Variants in KIF5C observed in about 807,000 individuals in gnomAD.
KIF5C encodes the protein kinesin family member 5C.
A neutral mutation model predicts 125.2 loss-of-function variants in KIF5C; 18 were observed. That is an observed-to-expected ratio of 0.14 (90% confidence interval 0.10 to 0.21). KIF5C has a LOEUF of 0.21. KIF5C is among the 10% of genes least tolerant of loss of function. The pLI is 1.00. For synonymous variants in KIF5C, 405 were observed against 434.0 expected (o/e 0.93, Z 0.83); for missense variants, 780 against 1,183.8 (o/e 0.66, Z 5.01).
rs1442126777 is a variant in KIF5C, at chr2:148,876,814, C to T, written c.126+1071C>T. Among the ~76,000 whole-genome samples the T allele has an allele frequency of 1.3e-5, 2 of 152,156 alleles. No individual in the cohort carries two copies. Among genetic ancestry groups the T allele is most frequent in the Non-Finnish European group, 2.9e-5 (2 of 68,028 alleles). ...TGTATGCGAGCCGCGTGGGGAGGGA[C>T]CGAGTTAATGGGAGCCTCCCGGTCC... On this transcript the variant is annotated intron_variant, in intron 1 of 25. Transcript: ENST00000435030. The surrounding 1 kb of genome is among the most constrained non-coding windows in gnomAD (Gnocchi z 4.7).
chr2:148,903,265 T>C (rs987664521), intron 1 of KIF5C, among the ~76,000 whole-genome samples: 1 of 152,184 alleles, frequency 6.6e-6, no homozygotes, highest in African/African-American at 2.4e-5. Flanking sequence ...CATGATTATC[T>C]GTCATGTTAA....
At chr2:148,889,738 C>G (rs1427544673) in intron 1 of KIF5C, among the ~76,000 whole-genome samples, 2 of 152,170 alleles carry the variant, frequency 1.3e-5, no homozygotes, top group East Asian at 3.8e-4. Flanking sequence ...TTACTTCATG[C>G]TTTGATGGTT....
intron 24 of KIF5C, 62 bp from the exon 25 acceptor site, chr2:149,011,508 A>G: frequency 6.3e-7 from 1 of 1,595,278 alleles, no homozygotes; most frequent in Non-Finnish European, 8.6e-7. Flanking sequence ...TGTAGATATC[A>G]GGGTTGCTGT....
chr2:148,983,633 C>A lies in KIF5C; in HGVS notation c.1583C>A (p.Thr528Asn). The A allele has an allele frequency of 6.3e-7, 1 of 1,585,390 alleles. No individual in the cohort carries two copies. The highest frequency in any genetic ancestry group is 8.6e-7 in the Non-Finnish European group (1 of 1,164,512). Residue 528 changes from threonine (T) to asparagine (N), a missense_variant, in exon 15 of 26, where the codon ACC becomes AAC. Around this residue, in one of 2 missense-constraint regions of KIF5C, gnomAD observed 573 missense variants for 742.6 expected, o/e 0.77. Coordinates refer to ENST00000435030, the MANE Select transcript of KIF5C (RefSeq NM_004522.3). ...TTTGTTTTTCAGACTACATTGACAACCACACAGAGAGAGCTGAGCCAGCTA... is the reference window on the plus strand; with the variant it reads ...TTTGTTTTTCAGACTACATTGACAAACACACAGAGAGAGCTGAGCCAGCTA... ...ELAQKTTTLT[T>N]TQRELSQLQE...
intron 25 of KIF5C, among the ~76,000 whole-genome samples, chr2:149,018,565 A>G (rs1029016490): frequency 9.9e-5 from 15 of 152,206 alleles, no homozygotes; most frequent in Non-Finnish European, 1.8e-4. Flanking sequence ...ATGGTGGCTC[A>G]CGCCTATAAT....
intron 1 of KIF5C, among the ~76,000 whole-genome samples, chr2:148,918,013 G>A (rs1681629465): frequency 6.6e-6 from 1 of 152,116 alleles, no homozygotes; most frequent in African/African-American, 2.4e-5. Flanking sequence ...TTCCAGGCTG[G>A]GAAACAGTTA....
chr2:148,883,920 A>G (rs1416126315), intron 1 of KIF5C: 1 of 152,144 alleles, frequency 6.6e-6, no homozygotes, highest in Non-Finnish European at 1.5e-5. Flanking sequence ...AGGATATACG[A>G]GATGATTTTA....
intron 2 of KIF5C, among the ~76,000 whole-genome samples, chr2:148,928,712 A>G (rs1682095946): frequency 1.3e-5 from 2 of 152,124 alleles, no homozygotes; most frequent in African/African-American, 4.8e-5. Flanking sequence ...GGGCCCGGCT[A>G]GTTTCTGGGC....
rs1283282226 is a variant in KIF5C at position 148,991,080 on chromosome 2, C to T, written c.1787C>T (p.Ser596Leu). 6.2e-7 allele frequency: 1 copy of T among 1,613,786 alleles called. No homozygotes were observed. Among genetic ancestry groups the T allele is most frequent in the Non-Finnish European group, 8.5e-7 (1 of 1,179,816 alleles). Residue 596 changes from serine to leucine, a missense_variant, in exon 16 of 26, where the codon TCA becomes TTA. Coordinates refer to ENST00000435030, the MANE Select transcript of KIF5C (RefSeq NM_004522.3). ...CGCCTGTACATCAGCAAGATGAAGT[C>T]AGAGGTCAAGTCCCTGGTGAACCGC... ...MARLYISKMK[S>L]EVKSLVNRSK...
intron 7 of KIF5C, among the ~76,000 whole-genome samples, chr2:148,944,311 A>C (rs1022350074): frequency 2.0e-5 from 3 of 152,176 alleles, no homozygotes; most frequent in Non-Finnish European, 2.9e-5. Context: ...GTACCCAATA[A>C]ACACCAATTC....
Position 149,005,524 on chromosome 2 carries a change from A to AT in KIF5C, c.2445+64dup, listed in dbSNP as rs1431608652. 1.8e-5 allele frequency: 28 copies of AT among 1,590,500 alleles called. No individual in the cohort carries two copies. In the Admixed American group the frequency reaches 1.9e-4, roughly 11 times the overall value. On this transcript the variant is annotated intron_variant, in intron 22 of 25. Transcript: ENST00000435030. ...AAATCAAAGATGGCAGGGAAGAATCATTTTCAGTTGAAATATCACTTGCTT... is the reference window on the plus strand; with the variant it reads ...AAATCAAAGATGGCAGGGAAGAATCATTTTTCAGTTGAAATATCACTTGCTT...
At chr2:149,022,739 C>G (rs1446173316) in intron 25 of KIF5C, among the ~76,000 whole-genome samples, 1 of 152,116 alleles carries the variant, frequency 6.6e-6, no homozygotes, top group East Asian at 1.9e-4. Flanking sequence ...GCCTGGACAA[C>G]ATGGTGAAAC....
intron 21 of KIF5C, among the ~76,000 whole-genome samples, chr2:149,002,756 C>CA (rs1349800384): frequency 3.3e-5 from 5 of 152,238 alleles, no homozygotes; most frequent in Admixed American, 1.3e-4. Flanking sequence ...CATTCACTGT[C>CA]ACAACCACCT....
intron 1 of KIF5C, among the ~76,000 whole-genome samples, chr2:148,905,076 T>C (rs1393381508): frequency 1.3e-5 from 2 of 152,232 alleles, no homozygotes; most frequent in African/African-American, 4.8e-5. Context: ...TTGCTTTGTT[T>C]TCATTGTATC....
At position 149,000,712 on chromosome 2, in the gene KIF5C, T is replaced by G; in HGVS notation, c.2313-10T>G. ...CCTGTGGTGGTCTATGGTTCCTTTT[T>G]GTTTTTCAGATTGCTCAACGATAAA... On this transcript the variant is annotated splice_polypyrimidine_tract_variant and intron_variant, in intron 20 of 25. Transcript: ENST00000435030. 2 of 1,613,734 alleles carry G rather than the reference T, an allele frequency of 1.2e-6. No individual in the cohort carries two copies. The highest frequency in any genetic ancestry group is 1.7e-6 in the Non-Finnish European group (2 of 1,179,826).
chr2:149,017,728 AC>A (rs1447680960), intron 25 of KIF5C, among the ~76,000 whole-genome samples: 1 of 152,220 alleles, frequency 6.6e-6, no homozygotes, highest in Non-Finnish European at 1.5e-5. Context: ...TACAATTCTC[AC>A]AGATCCCCAG....
At chr2:148,953,089 G>T (rs945819245) in intron 10 of KIF5C, among the ~76,000 whole-genome samples, 2 of 152,178 alleles carry the variant, frequency 1.3e-5, no homozygotes, top group African/African-American at 2.4e-5. Flanking sequence ...AAATAGGTCG[G>T]TCTACATTCT....
intron 1 of KIF5C, among the ~76,000 whole-genome samples, chr2:148,897,562 C>G (rs750089580): frequency 6.6e-6 from 1 of 151,964 alleles, no homozygotes; most frequent in Non-Finnish European, 1.5e-5. Flanking sequence ...ATGCTAGGTA[C>G]CAGTGAAATA....
In KIF5C at chr2:148,875,370, C is replaced by T. The variant is rs1574677820; in HGVS notation, c.-248C>T. The T allele has an allele frequency of 7.6e-6, 3 of 396,622 alleles. No homozygotes were observed. The highest frequency in any genetic ancestry group is 4.3e-5 in the East Asian group (1 of 23,236). The allele number at this position is 396,622 out of a possible 1,614,324, so 24.6% of individuals were successfully genotyped here. ...TGGGCCGGGGGGCGCTGGGCAGGGG[C>T]GGGGCAGGGCCAGGGCAGGCCGGTC... On this transcript the variant is annotated 5_prime_UTR_variant, in exon 1 of 26. Coordinates refer to ENST00000435030, the MANE Select transcript of KIF5C (RefSeq NM_004522.3).
Sources: allele counts gnomAD v4.1 joint callset (sites outside exome capture counted in the v4.1 genomes callset), GRCh38; gene constraint gnomAD v4.1.1; regional missense constraint gnomAD v4.1.1; non-coding constraint Gnocchi (gnomAD v3.1); transcripts MANE v1.5; gene names NCBI Gene and HGNC (gene_info 2026-07-23, HGNC 2026-07-21).